Variants in NBEA observed in about 807,000 individuals in gnomAD.
NBEA encodes the protein lysosomal-trafficking regulator 2.
In NBEA, 44 loss-of-function variants were observed where a neutral mutation model predicts 343.4. The ratio of observed to expected loss-of-function variants is 0.13; its 90% confidence interval spans 0.10 to 0.16. The LOEUF is 0.16. NBEA is among the 10% of genes least tolerant of loss of function. The pLI is 1.00. For missense variants in NBEA, 2,555 were observed against 3,631.3 expected (o/e 0.70, Z 7.62); for synonymous variants, 1,175 against 1,238.7 (o/e 0.95, Z 1.08).
intron 44 of NBEA, among the ~76,000 whole-genome samples, chr13:35,555,489 T>G (rs1283860579): frequency 1.3e-5 from 2 of 152,128 alleles, no homozygotes; most frequent in Non-Finnish European, 2.9e-5. Flanking sequence ...AGATGTCACC[T>G]GGAATATGGC....
chr13:35,548,775 G>A (rs757092439), intron 41 of NBEA, among the ~76,000 whole-genome samples: 5 of 151,990 alleles, frequency 3.3e-5, no homozygotes, highest in Non-Finnish European at 7.4e-5. Context: ...AATCAAATAT[G>A]GAAACCATTA....
intron 35 of NBEA, among the ~76,000 whole-genome samples, chr13:35,308,130 C>A (rs1008927014): frequency 1.3e-5 from 2 of 151,736 alleles, no homozygotes; most frequent in Non-Finnish European, 2.9e-5. Flanking sequence ...CAAGTACCTA[C>A]TTTGGGGGAC....
intron 34 of NBEA, among the ~76,000 whole-genome samples, chr13:35,279,346 T>C (rs2034885028): frequency 6.6e-6 from 1 of 152,214 alleles, no homozygotes; most frequent in Non-Finnish European, 1.5e-5. Flanking sequence ...GTGTCTTAGC[T>C]CAAGTTTACA....
intron 34 of NBEA, among the ~76,000 whole-genome samples, chr13:35,233,353 G>C (rs1480333734): frequency 6.6e-6 from 1 of 152,080 alleles, no homozygotes; most frequent in Non-Finnish European, 1.5e-5. Context: ...AGAAGAAAGA[G>C]AGTTTTCCTG....
chr13:35,662,925 A>G (rs2085172231), intron 55 of NBEA, among the ~76,000 whole-genome samples: 1 of 152,198 alleles, frequency 6.6e-6, no homozygotes, highest in Admixed American at 6.5e-5. Flanking sequence ...AGATAAAATT[A>G]TCATTTAGAA....
chr13:35,339,959 CA>C (rs1481126433), intron 36 of NBEA, among the ~76,000 whole-genome samples: 2 of 151,932 alleles, frequency 1.3e-5, no homozygotes, highest in Non-Finnish European at 2.9e-5. Context: ...TAGGCACTAT[CA>C]AAAAATTAGA....
intron 8 of NBEA, among the ~76,000 whole-genome samples, chr13:35,064,656 A>G (rs935490452): frequency 6.6e-6 from 1 of 151,854 alleles, no homozygotes; most frequent in Non-Finnish European, 1.5e-5. Context: ...CTGTTTTTGG[A>G]GACAGGGTCT....
chr13:35,436,060 TC>T, intron 39 of NBEA, among the ~76,000 whole-genome samples: 2 of 150,752 alleles, frequency 1.3e-5, no homozygotes, highest in African/African-American at 4.9e-5. Context: ...AAGACTGGTT[TC>T]AAAAAAAAAA....
intron 34 of NBEA, among the ~76,000 whole-genome samples, chr13:35,257,986 A>G (rs184952028): frequency 3.5e-3 from 527 of 152,202 alleles, no homozygotes; most frequent in Non-Finnish European, 5.8e-3. Flanking sequence ...CACTTTTACA[A>G]AAGATTTTAA....
At chr13:35,004,153 C>A (rs903540233) in intron 1 of NBEA, among the ~76,000 whole-genome samples, 5 of 152,138 alleles carry the variant, frequency 3.3e-5, no homozygotes, top group Admixed American at 2.6e-4. Context: ...TATATGTGTA[C>A]CCCATTTTCT....
intron 8 of NBEA, among the ~76,000 whole-genome samples, chr13:35,067,218 T>C (rs1466529457): frequency 6.6e-6 from 1 of 152,152 alleles, no homozygotes; most frequent in Non-Finnish European, 1.5e-5. Context: ...TATATTGATC[T>C]TCTGATTTAT....
At chr13:35,100,069 A>G (rs1242157503) in intron 11 of NBEA, among the ~76,000 whole-genome samples, 4 of 152,130 alleles carry the variant, frequency 2.6e-5, no homozygotes, top group African/African-American at 2.4e-5. Flanking sequence ...AATTGAGAAG[A>G]TATTTTGAAG....
Position 35,070,700 on chromosome 13 carries a change from T to C in NBEA, c.1438-19T>C. 6.4e-7 allele frequency: 1 copy of C among 1,558,820 alleles called. No homozygotes were observed. Among genetic ancestry groups the C allele is most frequent in the South Asian group, 1.2e-5 (1 of 85,194 alleles). On this transcript the variant is annotated intron_variant, in intron 9 of 58. Transcript: ENST00000379939. ...TCATTCTATAGAAGTTTAATAAACA[T>C]TTTTGTTTTTGGACATAGGATGTGA...
chr13:35,669,416 A>G (rs2085501741), intron 58 of NBEA, among the ~76,000 whole-genome samples: 1 of 152,218 alleles, frequency 6.6e-6, no homozygotes, highest in Non-Finnish European at 1.5e-5. Flanking sequence ...ATATTAAGAC[A>G]TAATAAAGTT....
At chr13:35,013,455 G>A (rs2061551684) in intron 1 of NBEA, among the ~76,000 whole-genome samples, 1 of 151,832 alleles carries the variant, frequency 6.6e-6, no homozygotes, top group African/African-American at 2.4e-5. Flanking sequence ...ACATTTATTA[G>A]CATGAATTAA....
chr13:35,615,138 A>C (rs1424495964), intron 48 of NBEA, among the ~76,000 whole-genome samples: 5 of 148,802 alleles, frequency 3.4e-5, no homozygotes, highest in East Asian at 1.9e-4. Flanking sequence ...ACAAAAAAAA[A>C]AAAAACAAAA....
chr13:35,197,896 T>A (rs184345609), intron 31 of NBEA, among the ~76,000 whole-genome samples: 6 of 152,252 alleles, frequency 3.9e-5, no homozygotes, highest in Admixed American at 2.6e-4. Flanking sequence ...TTGTGGAAAA[T>A]GTTAAGTGGC....
chr13:35,559,933 A>G (rs1319684639), intron 44 of NBEA, among the ~76,000 whole-genome samples: 1 of 85,052 alleles, frequency 1.2e-5, no homozygotes, highest in African/African-American at 2.9e-5. Flanking sequence ...TCCGTCTCAA[A>G]AAAAAAAAAA....
At chr13:35,083,127 C>T (rs958029451) in intron 10 of NBEA, among the ~76,000 whole-genome samples, 4 of 152,040 alleles carry the variant, frequency 2.6e-5, no homozygotes, top group Non-Finnish European at 5.9e-5. Context: ...AGTTTCAGCT[C>T]TGTACATATG....
Sources: gnomAD v4.1 joint callset for allele counts (sites outside exome capture counted in the v4.1 genomes callset) on GRCh38, gnomAD v4.1.1 for gene constraint, MANE v1.5 for transcripts, NCBI Gene and HGNC (gene_info 2026-07-23, HGNC 2026-07-21) for gene names.